KCNN2: variants seen among roughly 807,000 people sequenced by gnomAD.
The protein encoded by KCNN2 is potassium calcium-activated channel subfamily N member 2.
In KCNN2, 24 loss-of-function variants were observed where a neutral mutation model predicts 55.5. The observed-to-expected ratio is 0.43, with a 90% CI of 0.31 to 0.61. The LOEUF is 0.61. KCNN2 is among the 20% of genes least tolerant of loss of function. KCNN2 has a pLI of 0.08. For missense variants in KCNN2, 754 were observed against 853.6 expected (o/e 0.88, Z 1.45); for synonymous variants, 431 against 336.1 (o/e 1.28, Z -3.09).
At chr5:114,461,478 C>CT (rs1441836766) in intron 3 of KCNN2, among the ~76,000 whole-genome samples, 1 of 152,140 alleles carries the variant, frequency 6.6e-6, no homozygotes, top group Admixed American at 6.5e-5. Context: ...AGTGATTGCC[C>CT]TTTCTCTGGG....
intron 1 of KCNN2, among the ~76,000 whole-genome samples, chr5:114,062,007 T>C (rs544587918): frequency 6.6e-6 from 1 of 152,302 alleles, no homozygotes; most frequent in African/African-American, 2.4e-5. Flanking sequence ...CCAACTGTAA[T>C]TGGTCATTTA....
At chr5:114,329,126 T>C (rs1293603515) in intron 2 of KCNN2, among the ~76,000 whole-genome samples, 1 of 152,178 alleles carries the variant, frequency 6.6e-6, no homozygotes, top group Non-Finnish European at 1.5e-5. Flanking sequence ...ACTCTGTTCT[T>C]CATGGATACA....
intron 1 of KCNN2, among the ~76,000 whole-genome samples, chr5:114,146,732 A>G (rs1752405206): frequency 6.6e-6 from 1 of 152,196 alleles, no homozygotes; most frequent in African/African-American, 2.4e-5. Context: ...TCCAACTCAG[A>G]GAATATTTAT....
At position 114,395,910 on chromosome 5, in the gene KCNN2, A is replaced by G. The variant is rs538094984; in HGVS notation, c.1219-8528A>G. On this transcript the variant is annotated intron_variant, in intron 2 of 7. Coordinates refer to ENST00000673685, the MANE Select transcript of KCNN2 (RefSeq NM_021614.4). ...CTGTTTTGTTCTCTTCACTTTGTCT[A>G]ATTTTTCCTTTGATCTCATACGATT... is the stretch of plus-strand genomic sequence containing the variant. Among the ~76,000 whole-genome samples, 16 of 152,160 alleles carry G rather than the reference A, an allele frequency of 1.1e-4. No individual in the cohort carries two copies. The East Asian group carries it at 2.9e-3, about 28-fold the overall frequency.
At chr5:114,196,188 C>T (rs1022141074) in intron 1 of KCNN2, among the ~76,000 whole-genome samples, 1 of 151,754 alleles carries the variant, frequency 6.6e-6, no homozygotes, top group Non-Finnish European at 1.5e-5. Context: ...AGATGTTAAA[C>T]CACTGTTGCA....
chr5:114,074,707 A>AT (rs1035150982), intron 1 of KCNN2, among the ~76,000 whole-genome samples: 1 of 152,144 alleles, frequency 6.6e-6, no homozygotes, highest in African/African-American at 2.4e-5. Flanking sequence ...TTGACTTAGA[A>AT]TTTTTTCCAA....
rs1758642348 is a variant in KCNN2, at chr5:114,397,077, G to A, written c.1219-7361G>A. Among the ~76,000 whole-genome samples, 3 of 152,176 alleles carry A rather than the reference G, an allele frequency of 2.0e-5. No individual in the cohort carries two copies. In the South Asian group the frequency reaches 6.2e-4, roughly 32 times the overall value. On this transcript the variant is annotated intron_variant, in intron 2 of 7. Coordinates refer to ENST00000673685, the MANE Select transcript of KCNN2 (RefSeq NM_021614.4). ...ATCTCATTCTTTTTATGGCTGTGCAGTATTCCATAGTGTACACATACCATA... is the reference window on the plus strand; with the variant it reads ...ATCTCATTCTTTTTATGGCTGTGCAATATTCCATAGTGTACACATACCATA...
intron 1 of KCNN2, among the ~76,000 whole-genome samples, chr5:114,059,223 A>G (rs1429999986): frequency 6.6e-6 from 1 of 152,184 alleles, no homozygotes; most frequent in East Asian, 1.9e-4. Flanking sequence ...CTGGATTTTT[A>G]TTTAACTGCA....
chr5:114,240,327 A>C (rs1467909297), intron 2 of KCNN2, among the ~76,000 whole-genome samples: 1 of 152,008 alleles, frequency 6.6e-6, no homozygotes, highest in Non-Finnish European at 1.5e-5. Context: ...TTATAAAATA[A>C]GAATAGATGG....
chr5:114,259,122 G>T (rs1441620829), intron 2 of KCNN2, among the ~76,000 whole-genome samples: 2 of 152,314 alleles, frequency 1.3e-5, no homozygotes, highest in East Asian at 3.9e-4. Flanking sequence ...CAGTGCCTTT[G>T]TCTCAGCTGG....
chr5:114,088,236 G>A (rs1751058137), intron 1 of KCNN2, among the ~76,000 whole-genome samples: 1 of 151,998 alleles, frequency 6.6e-6, no homozygotes, highest in Non-Finnish European at 1.5e-5. Context: ...ATGATGTAGG[G>A]CTGTGATTCT....
intron 5 of KCNN2, among the ~76,000 whole-genome samples, chr5:114,474,642 G>A (rs376499793): frequency 1.3e-5 from 2 of 152,168 alleles, no homozygotes; most frequent in Non-Finnish European, 2.9e-5. Flanking sequence ...TGGAGCAGAT[G>A]TTTTGTGTAT....
chr5:114,288,452 A>T lies in KCNN2; in HGVS notation c.-185+66887A>T, dbSNP rs565697886. On this transcript the variant is annotated intron_variant, in intron 2 of 10. Coordinates refer to the KCNN2 transcript ENST00000512097. ...TTTACATTCCCATCAGTAACATATG[A>T]GGGTTTCAATGTCTTGACATCTTTG... Among the ~76,000 whole-genome samples the T allele has an allele frequency of 2.0e-5, 3 of 150,626 alleles. No individual in the cohort carries two copies. The South Asian group carries it at 6.3e-4, about 32-fold the overall frequency.
At chr5:114,241,792 A>ATG (rs1491228527) in intron 2 of KCNN2, among the ~76,000 whole-genome samples, 2 of 20,970 alleles carry the variant, frequency 9.5e-5, no homozygotes, top group Non-Finnish European at 1.8e-4. Flanking sequence ...ACGTATATAT[A>ATG]TGTATATATA....
At chr5:114,449,864 G>C (rs768333895) in intron 3 of KCNN2, among the ~76,000 whole-genome samples, 35 of 137,524 alleles carry the variant, frequency 2.5e-4, no homozygotes, top group Non-Finnish European at 2.7e-4. Context: ...TTAGAATAGA[G>C]TAAGCATCCA....
At chr5:114,449,879 T>TACACACACACACACACACACACACAC (rs745574908) in intron 3 of KCNN2, among the ~76,000 whole-genome samples, 3 of 93,366 alleles carry the variant, frequency 3.2e-5, no homozygotes, top group African/African-American at 8.6e-5. Flanking sequence ...CATCCAAACA[T>TACACACACACACACACACACACACAC]ACACACACAC....
At chr5:114,483,279 T>C (rs976328098) in intron 5 of KCNN2, among the ~76,000 whole-genome samples, 10 of 147,868 alleles carry the variant, frequency 6.8e-5, no homozygotes, top group Admixed American at 1.3e-4. Flanking sequence ...CTTTCTTTTT[T>C]TTTTTTTTTT....
At chr5:114,411,003 T>A (rs1411707080) in intron 3 of KCNN2, among the ~76,000 whole-genome samples, 1 of 152,186 alleles carries the variant, frequency 6.6e-6, no homozygotes, top group African/African-American at 2.4e-5. Context: ...CTAAACTGCA[T>A]TTTAGATGAA....
At chr5:114,136,132 A>G (rs1752168976) in intron 1 of KCNN2, among the ~76,000 whole-genome samples, 1 of 152,216 alleles carries the variant, frequency 6.6e-6, no homozygotes, top group South Asian at 2.1e-4. Context: ...ATGGAACAGA[A>G]TACTAGAGAC....
Sources: allele counts gnomAD v4.1 joint callset (sites outside exome capture counted in the v4.1 genomes callset), GRCh38; gene constraint gnomAD v4.1.1; transcripts MANE v1.5; gene names NCBI Gene and HGNC (gene_info 2026-07-23, HGNC 2026-07-21).